Variants in GALNTL6 observed in about 807,000 individuals in gnomAD.
GALNTL6 encodes polypeptide N-acetylgalactosaminyltransferase like 6.
GALNTL6 carries 46 observed loss-of-function variants against 73.7 expected under a neutral mutation model. That is an observed-to-expected ratio of 0.62 (90% CI 0.49 to 0.80). GALNTL6 has a LOEUF of 0.80. Ranked by LOEUF, GALNTL6 falls within the 30% of genes least tolerant of loss-of-function variation. The probability of loss-of-function intolerance (pLI) is 0.00; values close to 1 mark genes in which losing one functional copy is unlikely to be tolerated. For synonymous variants in GALNTL6, 259 were observed against 263.7 expected (o/e 0.98, Z 0.17); for missense variants, 604 against 755.0 (o/e 0.80, Z 2.34).
chr4:172,920,597 T>C (rs1191787117), intron 8 of GALNTL6, among the ~76,000 whole-genome samples: 4 of 152,222 alleles, frequency 2.6e-5, no homozygotes, highest in African/African-American at 9.6e-5. Flanking sequence ...TTTATTTATA[T>C]AGAGAGTGCT....
At chr4:171,996,828 G>A (rs944581429) in intron 2 of GALNTL6, among the ~76,000 whole-genome samples, 2 of 151,804 alleles carry the variant, frequency 1.3e-5, no homozygotes, top group Non-Finnish European at 2.9e-5. Flanking sequence ...CATGGGCCAC[G>A]GGTTGAACAA....
chr4:172,422,601 A>G (rs868617960), intron 5 of GALNTL6, among the ~76,000 whole-genome samples: 3 of 151,778 alleles, frequency 2.0e-5, no homozygotes, highest in Non-Finnish European at 2.9e-5. Flanking sequence ...GCTGACTTTC[A>G]TGTCATCTAG....
intron 2 of GALNTL6, among the ~76,000 whole-genome samples, chr4:172,079,875 A>T (rs577875321): frequency 6.6e-6 from 1 of 152,106 alleles, no homozygotes; most frequent in Admixed American, 6.5e-5. Context: ...CTTTTTAAAA[A>T]AAATTTGATT....
In GALNTL6 at chr4:172,058,113, GTTGTTTTGTT is replaced by G. The variant is rs10526611; in HGVS notation, c.139-171512_139-171503del. Among the ~76,000 whole-genome samples the G allele has an allele frequency of 3.5e-3, 514 of 146,380 alleles. 4 individuals are homozygous for G. Among genetic ancestry groups the G allele is most frequent in the African/African-American group, 0.012 (484 of 39,098 alleles). On this transcript the variant is annotated intron_variant, in intron 2 of 12. Transcript: ENST00000506823. ...ACAATCTGTCACCCAGGCTGAAGTG[GTTGTTTTGTT>G]TTGTTTTGTTTTGTTTTGTTTTGTT...
intron 2 of GALNTL6, among the ~76,000 whole-genome samples, chr4:172,084,333 G>A (rs938937513): frequency 6.6e-6 from 1 of 152,088 alleles, no homozygotes; most frequent in Non-Finnish European, 1.5e-5. Context: ...GGAAATTTGT[G>A]GTGAAACGAA....
intron 5 of GALNTL6, among the ~76,000 whole-genome samples, chr4:172,493,371 A>G (rs1157665875): frequency 6.6e-6 from 1 of 152,198 alleles, no homozygotes; most frequent in Non-Finnish European, 1.5e-5. Flanking sequence ...TCGGCTAAGG[A>G]AAATTACTAA....
Position 172,674,248 on chromosome 4 carries a change from C to T in GALNTL6, c.554-135113C>T, listed in dbSNP as rs115522303. On this transcript the variant is annotated intron_variant, in intron 5 of 12. Coordinates refer to ENST00000506823, the MANE Select transcript of GALNTL6 (RefSeq NM_001034845.3). ...GCTTAGTTTGACCAGACATGAAATTCTGGGTTGGAATTTCTTTTTCTTAAG... is the reference window on the plus strand; with the variant it reads ...GCTTAGTTTGACCAGACATGAAATTTTGGGTTGGAATTTCTTTTTCTTAAG... Among the ~76,000 whole-genome samples the T allele has an allele frequency of 4.6e-3, 698 of 152,198 alleles. 4 individuals carry two copies. Among genetic ancestry groups the T allele is most frequent in the African/African-American group, 0.016 (670 of 41,528 alleles).
chr4:171,981,909 T>C (rs981845036), intron 2 of GALNTL6, among the ~76,000 whole-genome samples: 1 of 151,872 alleles, frequency 6.6e-6, no homozygotes, highest in African/African-American at 2.4e-5. Flanking sequence ...TAAATATTTA[T>C]ATATATATTT....
chr4:172,528,952 C>CATATATATAT lies in GALNTL6; in HGVS notation c.553+180266_553+180275dup, dbSNP rs765904258. On this transcript the variant is annotated intron_variant, in intron 5 of 12. Transcript: ENST00000506823. ...TTCAGAGACTTTGTTTTCCCAAAGG[C>CATATATATAT]ATATATATATATGTGTGTGTATATT... 3.4e-3 allele frequency among the ~76,000 whole-genome samples: 79 copies of CATATATATAT among 23,342 alleles called. 20 individuals are homozygous for CATATATATAT. The highest frequency in any genetic ancestry group is 0.011 in the East Asian group (6 of 534). The allele number at this position is 23,342 out of a possible 152,430, so 15.3% of individuals were successfully genotyped here.
intron 5 of GALNTL6, among the ~76,000 whole-genome samples, chr4:172,639,944 T>C (rs1560850984): frequency 2.0e-5 from 3 of 152,088 alleles, no homozygotes; most frequent in Non-Finnish European, 4.4e-5. Flanking sequence ...CAGCTTACAT[T>C]TTATTATTCC....
chr4:172,115,087 T>C (rs907990188), intron 2 of GALNTL6, among the ~76,000 whole-genome samples: 21 of 152,134 alleles, frequency 1.4e-4, no homozygotes, highest in Admixed American at 6.6e-5. Context: ...AAGAGCTCTA[T>C]ATCCTTCCTT....
intron 7 of GALNTL6, among the ~76,000 whole-genome samples, chr4:172,845,219 A>C (rs1743430028): frequency 7.2e-6 from 1 of 139,100 alleles, no homozygotes; most frequent in Non-Finnish European, 1.5e-5. Context: ...TCTGTCTCAA[A>C]AAAAAAAAAA....
At chr4:172,812,188 T>C (rs1166399568) in intron 6 of GALNTL6, among the ~76,000 whole-genome samples, 1 of 152,188 alleles carries the variant, frequency 6.6e-6, no homozygotes, top group Admixed American at 6.5e-5. Context: ...CCACTTCTTA[T>C]TATAACCAGT....
intron 2 of GALNTL6, among the ~76,000 whole-genome samples, chr4:171,912,611 C>T (rs1172406942): frequency 2.0e-5 from 3 of 152,128 alleles, no homozygotes; most frequent in Non-Finnish European, 4.4e-5. Flanking sequence ...TTATAGCTAA[C>T]TATAGTCTCC....
chr4:172,112,663 T>C (rs530812767), intron 2 of GALNTL6, among the ~76,000 whole-genome samples: 4 of 152,008 alleles, frequency 2.6e-5, no homozygotes, highest in African/African-American at 4.8e-5. Flanking sequence ...CTACATGCTA[T>C]ACATTAAATA....
intron 2 of GALNTL6, among the ~76,000 whole-genome samples, chr4:171,887,317 C>T (rs758669682): frequency 3.3e-5 from 5 of 151,898 alleles, no homozygotes; most frequent in Admixed American, 6.6e-5. Flanking sequence ...AGTTGGGATA[C>T]GATCATAAAG....
intron 8 of GALNTL6, among the ~76,000 whole-genome samples, chr4:172,891,706 T>C (rs747127906): frequency 2.6e-5 from 4 of 152,244 alleles, no homozygotes; most frequent in Non-Finnish European, 4.4e-5. Context: ...GGAAATTTTT[T>C]ATAGATTATA....
At chr4:172,017,948 A>G (rs1028394935) in intron 2 of GALNTL6, among the ~76,000 whole-genome samples, 3 of 151,620 alleles carry the variant, frequency 2.0e-5, no homozygotes, top group Non-Finnish European at 3.0e-5. Flanking sequence ...ATCAGTGAGA[A>G]TCCTTGGTTG....
intron 2 of GALNTL6, among the ~76,000 whole-genome samples, chr4:171,941,778 T>C (rs953883094): frequency 1.3e-5 from 2 of 152,184 alleles, no homozygotes; most frequent in Non-Finnish European, 2.9e-5. Context: ...TTTTTTTCAG[T>C]TGGAGACCCT....
Sources: gnomAD v4.1 joint callset for allele counts (sites outside exome capture counted in the v4.1 genomes callset) on GRCh38, gnomAD v4.1.1 for gene constraint, MANE v1.5 for transcripts, NCBI Gene and HGNC (gene_info 2026-07-23, HGNC 2026-07-21) for gene names.